PALM2AKAP2: variants seen among roughly 807,000 people sequenced by gnomAD.
The protein encoded by PALM2AKAP2 is PALM2-AKAP2 fusion protein.
In PALM2AKAP2, 37 loss-of-function variants were observed where a neutral mutation model predicts 71.5. The ratio of observed to expected loss-of-function variants is 0.52; its 90% CI spans 0.40 to 0.68. The LOEUF (loss-of-function observed/expected upper bound fraction) is 0.68. Among genes scored for constraint, PALM2AKAP2 ranks in the 30% least tolerant of loss-of-function variants. The pLI, the probability that PALM2AKAP2 is intolerant of heterozygous loss-of-function variation, is 0.00. For synonymous variants in PALM2AKAP2, 468 were observed against 478.8 expected (o/e 0.98, Z 0.29); for missense variants, 1,224 against 1,191.8 (o/e 1.03, Z -0.40).
At chr9:109,705,605 T>C (rs2118594239) in intron 1 of PALM2AKAP2, among the ~76,000 whole-genome samples, 1 of 152,294 alleles carries the variant, frequency 6.6e-6, no homozygotes, top group African/African-American at 2.4e-5. Flanking sequence ...GAAGATCCAA[T>C]GACAGTTGGA....
intron 1 of PALM2AKAP2, among the ~76,000 whole-genome samples, chr9:110,099,176 T>C (rs1834931710): frequency 6.6e-6 from 1 of 152,226 alleles, no homozygotes; most frequent in Admixed American, 6.5e-5. Context: ...ATCTAGGCTA[T>C]ATAAGAAGAG....
intron 5 of PALM2AKAP2, among the ~76,000 whole-genome samples, chr9:109,926,141 T>C (rs1384265868): frequency 1.3e-5 from 2 of 152,220 alleles, no homozygotes; most frequent in African/African-American, 2.4e-5. Flanking sequence ...TTGGCATCAG[T>C]GTTTTCCCAG....
chr9:109,850,444 C>T (rs1259804083), intron 1 of PALM2AKAP2, among the ~76,000 whole-genome samples: 2 of 152,042 alleles, frequency 1.3e-5, no homozygotes, highest in Non-Finnish European at 2.9e-5. Flanking sequence ...CCCCCAACTT[C>T]GTCCCTTTTG....
At chr9:110,091,714 G>A (rs1165347032) in intron 1 of PALM2AKAP2, among the ~76,000 whole-genome samples, 3 of 151,908 alleles carry the variant, frequency 2.0e-5, no homozygotes, top group Admixed American at 6.6e-5. Flanking sequence ...TGCCCGCCTT[G>A]GCCTCCCAAA....
chr9:109,801,954 G>C (rs747488607), intron 1 of PALM2AKAP2, among the ~76,000 whole-genome samples: 24 of 152,166 alleles, frequency 1.6e-4, no homozygotes, highest in Non-Finnish European at 2.6e-4. Flanking sequence ...AAATCAACCA[G>C]ATCAAGTTCC....
intron 3 of PALM2AKAP2, among the ~76,000 whole-genome samples, chr9:110,163,435 A>C (rs1836653839): frequency 6.6e-6 from 1 of 152,210 alleles, no homozygotes; most frequent in Admixed American, 6.5e-5. Context: ...TTTTAAAAGA[A>C]ATTAGTATTG....
Position 109,943,103 on chromosome 9 carries a change from A to G in PALM2AKAP2, c.496+11075A>G, listed in dbSNP as rs41278411. 8,206 of 1,614,256 alleles carry G rather than the reference A, an allele frequency of 5.1e-3. 37 individuals carry two copies. Among genetic ancestry groups the G allele is most frequent in the Non-Finnish European group, 5.7e-3 (6,695 of 1,180,042 alleles). On this transcript the variant is annotated intron_variant, in intron 6 of 9. Transcript: ENST00000302798. ...CCCAGCGCTGCAGGGCCGGAGGCAA[A>G]CTTGGATCAGCCCGTCACCATGATT...
chr9:109,943,771 G>A (rs913389461), intron 6 of PALM2AKAP2: 4 of 200,900 alleles, frequency 2.0e-5, no homozygotes, highest in East Asian at 1.2e-4. Flanking sequence ...TTGGCACTGG[G>A]GGTTTCATTT....
intron 6 of PALM2AKAP2, among the ~76,000 whole-genome samples, chr9:109,950,582 CA>C (rs1315916751): frequency 2.6e-5 from 4 of 152,192 alleles, no homozygotes; most frequent in Non-Finnish European, 5.9e-5. Context: ...ACTCTCTTCC[CA>C]AGCATCATCC....
chr9:109,856,258 C>T (rs958981235), intron 1 of PALM2AKAP2, among the ~76,000 whole-genome samples: 4 of 152,252 alleles, frequency 2.6e-5, no homozygotes, highest in Non-Finnish European at 4.4e-5. Context: ...ATTGCAGTCC[C>T]GTCTATAATT....
At chr9:110,017,672 G>C (rs1833004468) in intron 7 of PALM2AKAP2, among the ~76,000 whole-genome samples, 1 of 151,968 alleles carries the variant, frequency 6.6e-6, no homozygotes, top group Non-Finnish European at 1.5e-5. Context: ...GGTACAGACA[G>C]ACATTCAAGT....
At chr9:110,047,258 T>C (rs1833618767), upstream of PALM2AKAP2, among the ~76,000 whole-genome samples, 5 of 152,218 alleles carry the variant, frequency 3.3e-5, no homozygotes, top group South Asian at 1.0e-3. Context: ...GCTATTGACA[T>C]TCAGGAACCC....
intron 1 of PALM2AKAP2, among the ~76,000 whole-genome samples, chr9:110,120,482 T>C (rs1294510150): frequency 6.6e-6 from 1 of 152,202 alleles, no homozygotes; most frequent in Non-Finnish European, 1.5e-5. Context: ...CATTAGGGCT[T>C]CAGACCCTCT....
intron 1 of PALM2AKAP2, among the ~76,000 whole-genome samples, chr9:110,097,020 C>T (rs917276510): frequency 2.0e-5 from 3 of 148,170 alleles, no homozygotes; most frequent in Non-Finnish European, 3.0e-5. Flanking sequence ...GGCAGGGTCA[C>T]AGGACAATAG....
At position 109,943,796 on chromosome 9, in the gene PALM2AKAP2, G is replaced by A. The variant is rs571137726; in HGVS notation, c.496+11768G>A. ...GGGTTTCATTTTGTAGTGTGTTCCTGTAACGTAGTCACACACTGCCATGTC... is the reference window on the plus strand; with the variant it reads ...GGGTTTCATTTTGTAGTGTGTTCCTATAACGTAGTCACACACTGCCATGTC... On this transcript the variant is annotated intron_variant, in intron 6 of 9. Coordinates refer to the PALM2AKAP2 transcript ENST00000302798. 17 of 177,884 alleles carry A rather than the reference G, an allele frequency of 9.6e-5. No homozygotes were observed. The East Asian group carries it at 2.6e-3, about 27-fold the overall frequency. 11.0% of individuals were successfully genotyped at this position (177,884 alleles called of 1,614,324 possible). A position where few individuals can be genotyped will look rare whatever the true frequency, so the allele number is the denominator to read the frequency against.
intron 1 of PALM2AKAP2, among the ~76,000 whole-genome samples, chr9:110,134,015 G>A (rs1390450094): frequency 6.6e-6 from 1 of 152,184 alleles, no homozygotes; most frequent in African/African-American, 2.4e-5. Flanking sequence ...GGCCATGCAG[G>A]GTGGCTCATG....
intron 6 of PALM2AKAP2, among the ~76,000 whole-genome samples, chr9:109,934,388 C>T (rs570161652): frequency 1.3e-5 from 2 of 152,310 alleles, no homozygotes; most frequent in Admixed American, 1.3e-4. Context: ...CATCTAAGTT[C>T]TAATTTCCCT....
intron 1 of PALM2AKAP2, among the ~76,000 whole-genome samples, chr9:109,698,831 A>G (rs890997754): frequency 1.3e-5 from 2 of 152,240 alleles, no homozygotes; most frequent in Non-Finnish European, 2.9e-5. Context: ...AGGACAAGCC[A>G]TAGTGAATAT....
chr9:109,979,448 C>T (rs1172114120), intron 6 of PALM2AKAP2, among the ~76,000 whole-genome samples: 3 of 152,196 alleles, frequency 2.0e-5, no homozygotes, highest in Non-Finnish European at 4.4e-5. Flanking sequence ...TCTCTTACCC[C>T]ACTGGGAATG....
Sources: allele counts gnomAD v4.1 joint callset (sites outside exome capture counted in the v4.1 genomes callset), GRCh38; gene constraint gnomAD v4.1.1; transcripts MANE v1.5; gene names NCBI Gene and HGNC (gene_info 2026-07-23, HGNC 2026-07-21).